NRXN3: variants seen among roughly 807,000 people sequenced by gnomAD.
NRXN3 encodes neurexin III.
Under a neutral mutation model 137.6 loss-of-function variants are expected in NRXN3, and 32 were observed. The ratio of observed to expected loss-of-function variants is 0.23; its 90% CI spans 0.18 to 0.31. The LOEUF (loss-of-function observed/expected upper bound fraction) is 0.31. Ranked by LOEUF, NRXN3 falls within the 10% of genes least tolerant of loss-of-function variation. The probability of loss-of-function intolerance (pLI) is 1.00; values close to 1 mark genes in which losing one functional copy is unlikely to be tolerated. For missense variants in NRXN3, 1,574 were observed against 2,062.5 expected, an observed-to-expected ratio of 0.76 and a Z score of 4.59; for synonymous variants, 798 against 784.5, an observed-to-expected ratio of 1.02 and a Z score of -0.29.
At chr14:78,235,903 AAG>A (rs1395613897) in intron 1 of NRXN3, among the ~76,000 whole-genome samples, 2 of 152,168 alleles carry the variant, frequency 1.3e-5, no homozygotes, top group African/African-American at 4.8e-5. Flanking sequence ...GTGGGCTCAA[AAG>A]AGAGGACAGT....
rs771801768 is a variant in NRXN3, at chr14:79,692,240, A to G, written c.3684A>G (p.Val1228=). Residue 1228 remains valine (V), a synonymous_variant, in exon 18 of 21, where the codon GTA becomes GTG. Transcript: ENST00000335750. ...QKIPFKYNRP[V]EEWLQEKGRQ... ...TCCCCTTCAAATATAATCGGCCTGTAGAGGAGTGGCTGCAGGAAAAAGGTA... is the reference window on the plus strand; with the variant it reads ...TCCCCTTCAAATATAATCGGCCTGTGGAGGAGTGGCTGCAGGAAAAAGGTA... 6.2e-7 allele frequency: 1 copy of G among 1,609,442 alleles called. No homozygotes were observed. The highest frequency in any genetic ancestry group is 1.1e-5 in the South Asian group (1 of 90,228).
intron 15 of NRXN3, among the ~76,000 whole-genome samples, chr14:79,425,736 T>C (rs1453811613): frequency 1.3e-5 from 2 of 152,124 alleles, no homozygotes; most frequent in Non-Finnish European, 2.9e-5. Flanking sequence ...TTTGAGACCA[T>C]ATGACCCAAG....
At chr14:78,615,887 G>C (rs537920523) in intron 4 of NRXN3, among the ~76,000 whole-genome samples, 219 of 152,306 alleles carry the variant, frequency 1.4e-3, no homozygotes, top group Non-Finnish European at 2.2e-3. Context: ...TGGAGACCAG[G>C]AGTTTAAGGC....
chr14:78,803,063 A>G (rs2098844304), intron 8 of NRXN3, among the ~76,000 whole-genome samples: 1 of 152,218 alleles, frequency 6.6e-6, no homozygotes, highest in Non-Finnish European at 1.5e-5. Flanking sequence ...CCTCTATCAG[A>G]TATTCTTTGA....
chr14:78,809,482 T>C (rs1447374565), intron 9 of NRXN3, among the ~76,000 whole-genome samples: 6 of 152,248 alleles, frequency 3.9e-5, no homozygotes, highest in African/African-American at 9.6e-5. Flanking sequence ...CTGGGAGCCT[T>C]TGAATCACTA....
chr14:78,298,466 A>G (rs746074590), intron 4 of NRXN3, among the ~76,000 whole-genome samples: 16 of 152,262 alleles, frequency 1.1e-4, no homozygotes, highest in African/African-American at 1.2e-4. Flanking sequence ...AGAAAACTGC[A>G]TATAAAGATC....
In NRXN3 at chr14:78,451,730, G is replaced by A. The variant is rs182279914; in HGVS notation, c.757+153870G>A. On this transcript the variant is annotated intron_variant, in intron 4 of 20. Transcript: ENST00000335750. ...AAGAGTCCTGCGTAGGCACGTAGAG[G>A]ACAATGTTTAACCCAAAGATGGCAG... 6.6e-5 allele frequency among the ~76,000 whole-genome samples: 10 copies of A among 152,340 alleles called. No individual in the cohort carries two copies. The East Asian group carries it at 7.7e-4, about 12-fold the overall frequency.
At chr14:79,110,713 C>T (rs2053317828) in intron 15 of NRXN3, among the ~76,000 whole-genome samples, 1 of 151,702 alleles carries the variant, frequency 6.6e-6, no homozygotes, top group Admixed American at 6.6e-5. Flanking sequence ...AATAAAGGGT[C>T]CTGGGAATTC....
intron 4 of NRXN3, among the ~76,000 whole-genome samples, chr14:78,476,564 C>T (rs2095382394): frequency 6.6e-6 from 1 of 152,004 alleles, no homozygotes; most frequent in South Asian, 2.1e-4. Context: ...ATATATATGA[C>T]CTGGGGAACA....
In NRXN3 at chr14:78,966,099, A is replaced by G; in HGVS notation, c.2470A>G (p.Ile824Val). Residue 824 changes from isoleucine to valine, a missense_variant, in exon 12 of 21, where the codon ATC becomes GTC. Transcript: ENST00000335750. The part of the protein sequence containing the change: ...ETGIMTEKRY[I>V]SVVPSSFIGH... Reference sequence around the variant, plus strand: ...GGGAATCATGACTGAGAAACGCTACATCTCCGTTGTCCCCTCCAGCTTTAT... The same window carrying G: ...GGGAATCATGACTGAGAAACGCTACGTCTCCGTTGTCCCCTCCAGCTTTAT... 1 of 1,614,166 alleles carries G rather than the reference A, an allele frequency of 6.2e-7. No individual in the cohort carries two copies. The highest frequency in any genetic ancestry group is 1.7e-5 in the Admixed American group (1 of 60,016).
At chr14:79,800,702 T>C (rs2099175640) in intron 19 of NRXN3, among the ~76,000 whole-genome samples, 1 of 152,172 alleles carries the variant, frequency 6.6e-6, no homozygotes, top group Non-Finnish European at 1.5e-5. Flanking sequence ...GCCTTTTCTT[T>C]CAAGGTTCAA....
chr14:79,470,783 C>T (rs78285853), intron 16 of NRXN3, among the ~76,000 whole-genome samples: 152 of 152,070 alleles, frequency 1.0e-3, no homozygotes, highest in African/African-American at 3.7e-3. Flanking sequence ...TACTTTGGTG[C>T]TACTTGTGAG....
chr14:78,191,391 T>C (rs2060713949), intron 1 of NRXN3, among the ~76,000 whole-genome samples: 1 of 152,022 alleles, frequency 6.6e-6, no homozygotes, highest in Admixed American at 6.5e-5. Context: ...CTAGACTGAC[T>C]CCAGAGCCTG....
chr14:79,559,646 T>A (rs2097468818), intron 16 of NRXN3, among the ~76,000 whole-genome samples: 1 of 152,064 alleles, frequency 6.6e-6, no homozygotes, highest in Admixed American at 6.6e-5. Flanking sequence ...AGTGAGCCCA[T>A]GCTGTTGAAA....
At chr14:78,709,843 G>A (rs192485121) in intron 7 of NRXN3, 188 bp downstream of exon 7, 29 of 595,454 alleles carry the variant, frequency 4.9e-5, no homozygotes, top group African/African-American at 5.6e-5. Context: ...CACATTCTCC[G>A]CTTATCTCTC....
chr14:79,509,966 A>G (rs1160306110), intron 16 of NRXN3, among the ~76,000 whole-genome samples: 1 of 152,184 alleles, frequency 6.6e-6, no homozygotes, highest in Admixed American at 6.5e-5. Context: ...TCAGGGATCA[A>G]GGGTAGATCT....
intron 2 of NRXN3, among the ~76,000 whole-genome samples, chr14:78,255,339 T>C (rs990894298): frequency 1.3e-5 from 2 of 152,178 alleles, no homozygotes; most frequent in African/African-American, 4.8e-5. Flanking sequence ...ACCACACGCA[T>C]GTGCTGGGAA....
At chr14:79,370,640 C>T (rs1419700835) in intron 15 of NRXN3, among the ~76,000 whole-genome samples, 1 of 152,012 alleles carries the variant, frequency 6.6e-6, no homozygotes, top group African/African-American at 2.4e-5. Flanking sequence ...AATAACTCGT[C>T]CAGAAGGTGT....
intron 4 of NRXN3, among the ~76,000 whole-genome samples, chr14:78,356,153 G>C (rs1261780198): frequency 6.6e-6 from 1 of 152,196 alleles, no homozygotes; most frequent in Non-Finnish European, 1.5e-5. Context: ...GGCTTGGTTG[G>C]CCCTCTCTCT....
Sources: gnomAD v4.1 joint callset for allele counts (sites outside exome capture counted in the v4.1 genomes callset) on GRCh38, gnomAD v4.1.1 for gene constraint, MANE v1.5 for transcripts, NCBI Gene and HGNC (gene_info 2026-07-23, HGNC 2026-07-21) for gene names.